CCDC18: variants seen among roughly 807,000 people sequenced by gnomAD.
CCDC18 encodes coiled-coil domain-containing protein 18.
CCDC18 carries 157 observed loss-of-function variants against 196.0 expected under a neutral mutation model. That is an observed-to-expected ratio of 0.80 (90% CI 0.70 to 0.91). The LOEUF is 0.91. Ranked by LOEUF, CCDC18 falls within the 40% of genes least tolerant of loss-of-function variation. The probability of loss-of-function intolerance (pLI) is 0.00; values close to 1 mark genes in which losing one functional copy is unlikely to be tolerated. For missense variants in CCDC18, 1,465 were observed against 1,611.6 expected (o/e 0.91, Z 1.56); for synonymous variants, 482 against 529.2 (o/e 0.91, Z 1.22).
At chr1:93,260,619 C>T (rs528182672) in intron 26 of CCDC18, among the ~76,000 whole-genome samples, 16 of 150,866 alleles carry the variant, frequency 1.1e-4, no homozygotes, top group Non-Finnish European at 2.4e-4. Flanking sequence ...TTTTATTATA[C>T]TTTCTTTTTT....
At chr1:93,266,206 CGAAATGAAG>C (rs1664479658) in intron 27 of CCDC18, among the ~76,000 whole-genome samples, 1 of 152,058 alleles carries the variant, frequency 6.6e-6, no homozygotes, top group East Asian at 1.9e-4. Context: ...GGGTACATAA[CGAAATGAAG>C]GCAGAAATGA....
chr1:93,270,831 C>G lies in CCDC18; in HGVS notation c.4353+17C>G. 1 of 1,402,424 alleles carries G rather than the reference C, an allele frequency of 7.1e-7. No individual in the cohort carries two copies. The highest frequency in any genetic ancestry group is 9.4e-7 in the Non-Finnish European group (1 of 1,067,590). The allele number at this position is 1,402,424 out of a possible 1,614,324, so 86.9% of individuals were successfully genotyped here. A position where few individuals can be genotyped will look rare whatever the true frequency, so the allele number is the denominator to read the frequency against. On this transcript the variant is annotated intron_variant, in intron 28 of 28. Transcript: ENST00000690025. Reference sequence around the variant, plus strand: ...TTAAATCAGGTATGTATTTTATACACTGTAAACTGTAATAATTTGTTTCCA... The same window carrying G: ...TTAAATCAGGTATGTATTTTATACAGTGTAAACTGTAATAATTTGTTTCCA...
Position 93,256,274 on chromosome 1 carries a change from A to G in CCDC18, c.3343-61A>G, listed in dbSNP as rs1023314040. ...AATTTACGTATTAAGCAAAATCAGA[A>G]TAAGAAATAGGTTATCTATATATTT... On this transcript the variant is annotated intron_variant, in intron 24 of 28. Transcript: ENST00000690025. 3 of 1,460,224 alleles carry G rather than the reference A, an allele frequency of 2.1e-6. No individual in the cohort carries two copies. In the African/African-American group the frequency reaches 4.2e-5, roughly 21 times the overall value. The allele number at this position is 1,460,224 out of a possible 1,614,324, so 90.5% of individuals were successfully genotyped here.
intron 28 of CCDC18, among the ~76,000 whole-genome samples, chr1:93,275,773 A>T (rs2101587001): frequency 6.6e-6 from 1 of 152,342 alleles, no homozygotes; most frequent in South Asian, 2.1e-4. Flanking sequence ...CCTAGCTATC[A>T]TCCTCTTAAT....
chr1:93,221,793 T>C (rs1425387708), intron 15 of CCDC18, 50 bp downstream of exon 15: 6 of 1,592,322 alleles, frequency 3.8e-6, no homozygotes, highest in Non-Finnish European at 5.1e-6. Context: ...TAATATTTTA[T>C]GTCTCTATAA....
At chr1:93,180,487 G>C, upstream of CCDC18, 1 of 1,527,080 alleles carries the variant, frequency 6.5e-7, no homozygotes, top group Non-Finnish European at 8.8e-7. Flanking sequence ...CTCAGGCCAG[G>C]CGTGAGCGCC....
intron 24 of CCDC18, 24 bp from the exon 25 acceptor site, chr1:93,256,311 C>T: frequency 1.2e-6 from 2 of 1,602,704 alleles, no homozygotes; most frequent in Non-Finnish European, 8.5e-7. Flanking sequence ...ATTCTGAAAC[C>T]TACAAATACC....
chr1:93,278,103 T>C (rs889207566), intron 28 of CCDC18, among the ~76,000 whole-genome samples: 1 of 151,902 alleles, frequency 6.6e-6, no homozygotes, highest in Non-Finnish European at 1.5e-5. Flanking sequence ...TCTCCTGCCT[T>C]AGCCTCCTGA....
chr1:93,276,823 G>C (rs888384945), intron 28 of CCDC18, among the ~76,000 whole-genome samples: 2 of 151,718 alleles, frequency 1.3e-5, no homozygotes, highest in Admixed American at 1.3e-4. Context: ...GGTGTTTCTC[G>C]TAAGGTGGGA....
chr1:93,203,808 G>A lies in CCDC18; in HGVS notation c.796-1702G>A, dbSNP rs1654242541. On this transcript the variant is annotated intron_variant, in intron 7 of 28. Transcript: ENST00000690025. ...ATAATGCCACTGCACTCAGGCCTGA[G>A]TGAAAGAGCAAGACCCTGTCTGTAA... Among the ~76,000 whole-genome samples the A allele has an allele frequency of 2.0e-5, 3 of 151,962 alleles. No individual in the cohort carries two copies. In the South Asian group the frequency reaches 6.2e-4, roughly 32 times the overall value.
chr1:93,258,475 G>A (rs1204265044), intron 25 of CCDC18, among the ~76,000 whole-genome samples: 1 of 152,104 alleles, frequency 6.6e-6, no homozygotes, highest in Non-Finnish European at 1.5e-5. Context: ...AGAGTTCAGT[G>A]TCCTGAGGTT....
At chr1:93,215,087 C>T in intron 12 of CCDC18, 121 bp downstream of exon 12, 1 of 551,560 alleles carries the variant, frequency 1.8e-6, no homozygotes, top group South Asian at 3.6e-5. Flanking sequence ...AAAAATGGTA[C>T]CACATAAGTT....
Position 93,184,230 on chromosome 1 carries a change from A to G in CCDC18, c.303+84A>G, listed in dbSNP as rs142852970. On this transcript the variant is annotated intron_variant, in intron 3 of 28. Transcript: ENST00000690025. ...AAAAAAAATTTTTTTTAATTTTAAA[A>G]TTAAATTAAAGAAAAAAATTTTTTC... is the stretch of plus-strand genomic sequence containing the variant. 8.9e-5 allele frequency: 56 copies of G among 628,548 alleles called. No individual in the cohort carries two copies. The East Asian group carries it at 2.1e-3, about 24-fold the overall frequency. 38.9% of individuals were successfully genotyped at this position (628,548 alleles called of 1,614,324 possible).
upstream of CCDC18, chr1:93,180,639 G>A: frequency 7.5e-7 from 1 of 1,334,328 alleles, no homozygotes; most frequent in Non-Finnish European, 9.9e-7. Flanking sequence ...TCCCCGGCAA[G>A]CCCCGCGCCT....
At chr1:93,271,729 T>C (rs1023975340) in intron 28 of CCDC18, 1 of 157,928 alleles carries the variant, frequency 6.3e-6, no homozygotes, top group Admixed American at 6.5e-5. Context: ...CCTTCCCACT[T>C]TGTAACTTAC....
Position 93,239,682 on chromosome 1 carries a change from G to A in CCDC18, c.2768-1G>A. 2 of 1,595,132 alleles carry A rather than the reference G, an allele frequency of 1.3e-6. No individual in the cohort carries two copies. Among genetic ancestry groups the A allele is most frequent in the Non-Finnish European group, 1.7e-6 (2 of 1,165,364 alleles). On this transcript the variant is annotated splice_acceptor_variant, in intron 20 of 28. Transcript: ENST00000690025. LOFTEE classifies it high-confidence loss of function. ...ATAAAATTATTCTCTCCTCTTAATA[G>A]TAAAGGAGTTAGAAAAGTTACAGCA...
chr1:93,259,902 T>C (rs1470114965), intron 26 of CCDC18, among the ~76,000 whole-genome samples: 1 of 152,224 alleles, frequency 6.6e-6, no homozygotes, highest in East Asian at 1.9e-4. Context: ...AGTATAATTA[T>C]CCAATTGTTT....
At chr1:93,254,013 C>T (rs1324783686) in intron 23 of CCDC18, among the ~76,000 whole-genome samples, 1 of 152,026 alleles carries the variant, frequency 6.6e-6, no homozygotes, top group Non-Finnish European at 1.5e-5. Flanking sequence ...TGTTTATTTA[C>T]CTCTAAGTAT....
intron 27 of CCDC18, among the ~76,000 whole-genome samples, chr1:93,268,525 A>G (rs1369995072): frequency 3.3e-5 from 5 of 152,118 alleles, no homozygotes; most frequent in Middle Eastern, 3.4e-3. Context: ...TTTGCAATCT[A>G]CTCATCTGAC....
Sources: gnomAD v4.1 joint callset for allele counts (sites outside exome capture counted in the v4.1 genomes callset) on GRCh38, gnomAD v4.1.1 for gene constraint, MANE v1.5 for transcripts, NCBI Gene and HGNC (gene_info 2026-07-23, HGNC 2026-07-21) for gene names.